The following SPOPL variants were observed in gnomAD, a reference collection of about 807,000 sequenced individuals.
SPOPL encodes the protein speckle-type POZ protein-like.
In SPOPL, 23 loss-of-function variants were observed where a neutral mutation model predicts 53.8. That is an observed-to-expected ratio of 0.43 (90% CI 0.31 to 0.61). SPOPL has a LOEUF of 0.61. SPOPL is among the 20% of genes least tolerant of loss of function. SPOPL has a pLI of 0.12. For synonymous variants in SPOPL, 164 were observed against 149.7 expected (o/e 1.10, Z -0.70); for missense variants, 442 against 466.9 (o/e 0.95, Z 0.49).
chr2:138,548,106 G>A (rs1461849066), intron 1 of SPOPL, among the ~76,000 whole-genome samples: 1 of 152,068 alleles, frequency 6.6e-6, no homozygotes, highest in African/African-American at 2.4e-5. Context: ...CTTATCCCCA[G>A]TATAGTGATG....
At chr2:138,551,597 G>A (rs759273384) in intron 4 of SPOPL, among the ~76,000 whole-genome samples, 1 of 151,998 alleles carries the variant, frequency 6.6e-6, no homozygotes, top group Non-Finnish European at 1.5e-5. Flanking sequence ...TAATAGAAGA[G>A]TGATGTAGGA....
chr2:138,527,982 CTA>C (rs1253051116), intron 1 of SPOPL, among the ~76,000 whole-genome samples: 1 of 152,170 alleles, frequency 6.6e-6, no homozygotes, highest in Non-Finnish European at 1.5e-5. Flanking sequence ...GGAGAGTGCT[CTA>C]TTTGATTTCT....
chr2:138,529,520 GTGTGTGTGTGTGTGTT>G (rs1195658652), intron 1 of SPOPL, among the ~76,000 whole-genome samples: 26 of 148,112 alleles, frequency 1.8e-4, no homozygotes, highest in African/African-American at 6.3e-4. Context: ...GTGTGTGTGT[GTGTGTGTGTGTGTGTT>G]TGCGTGCGCG....
At chr2:138,511,861 A>G (rs1432623985) in intron 1 of SPOPL, among the ~76,000 whole-genome samples, 1 of 152,210 alleles carries the variant, frequency 6.6e-6, no homozygotes, top group East Asian at 1.9e-4. Context: ...CTAGGAGCAT[A>G]CAGCCACCCT....
chr2:138,539,829 G>A (rs1017220223), intron 1 of SPOPL, among the ~76,000 whole-genome samples: 17 of 152,098 alleles, frequency 1.1e-4, no homozygotes, highest in African/African-American at 2.7e-4. Flanking sequence ...TTGCCCATGC[G>A]TATGTCCTGA....
rs1001347197 is a variant in SPOPL, at chr2:138,573,336, A to G, written c.*4256A>G. ...ATGTATTTGATACGGTAAATCATGC[A>G]TAGTAATTGTCTTTTCTACATAGGG... On this transcript the variant is annotated 3_prime_UTR_variant, in exon 11 of 11. Transcript: ENST00000280098. 1.3e-5 allele frequency: 2 copies of G among 152,322 alleles called. No homozygotes were observed. The highest frequency in any genetic ancestry group is 3.4e-3 in the Middle Eastern group (1 of 294). 9.4% of individuals were successfully genotyped at this position (152,322 alleles called of 1,614,324 possible).
At position 138,567,494 on chromosome 2, in the gene SPOPL, T is replaced by C. The variant is rs370067391; in HGVS notation, c.1035-1442T>C. Among the ~76,000 whole-genome samples, 535 of 148,650 alleles carry C rather than the reference T, an allele frequency of 3.6e-3. 4 individuals are homozygous for C. The highest frequency in any genetic ancestry group is 0.012 in the African/African-American group (496 of 40,552). On this transcript the variant is annotated intron_variant, in intron 10 of 10. Transcript: ENST00000280098. ...GAGAAAGTAGGCAGAGATCAGACCC[T>C]GAAAGGCCATGTAAAATAACATTAG...
intron 10 of SPOPL, among the ~76,000 whole-genome samples, chr2:138,566,138 T>C (rs1054389033): frequency 1.3e-5 from 2 of 152,194 alleles, no homozygotes; most frequent in Non-Finnish European, 2.9e-5. Flanking sequence ...GTTCATCTTA[T>C]TAGTTTGTAG....
At chr2:138,540,528 C>A (rs1685046906) in intron 1 of SPOPL, among the ~76,000 whole-genome samples, 1 of 152,102 alleles carries the variant, frequency 6.6e-6, no homozygotes, top group Admixed American at 6.5e-5. Context: ...GGAGTTCACT[C>A]ATGATTTGGT....
intron 1 of SPOPL, among the ~76,000 whole-genome samples, chr2:138,533,679 T>C (rs943215884): frequency 7.9e-5 from 12 of 152,118 alleles, no homozygotes; most frequent in African/African-American, 2.9e-4. Flanking sequence ...TGTTGAACAT[T>C]ATATGTTATA....
chr2:138,550,827 TTCTCTCTCTC>T lies in SPOPL; in HGVS notation c.201-63_201-54del, dbSNP rs66690846. 2.5e-5 allele frequency: 34 copies of T among 1,368,466 alleles called. No individual in the cohort carries two copies. The African/African-American group carries it at 4.2e-4, about 17-fold the overall frequency. The allele number at this position is 1,368,466 out of a possible 1,614,324, so 84.8% of individuals were successfully genotyped here. A position where few individuals can be genotyped will look rare whatever the true frequency, so the allele number is the denominator to read the frequency against. Reference sequence around the variant, plus strand: ...TGATTTCAGTGTTCTCTCTCTCTCTTTCTCTCTCTCTCTCTCTCTCTCGAATGCTTTTCAA... The same window carrying T: ...TGATTTCAGTGTTCTCTCTCTCTCTTTCTCTCTCTCTCGAATGCTTTTCAA... On this transcript the variant is annotated intron_variant, in intron 3 of 10. Transcript: ENST00000280098.
chr2:138,511,901 A>G (rs1417002817), intron 1 of SPOPL, among the ~76,000 whole-genome samples: 1 of 152,220 alleles, frequency 6.6e-6, no homozygotes, highest in Non-Finnish European at 1.5e-5. Flanking sequence ...ACTTTAGGGA[A>G]GTTACTTAAA....
chr2:138,555,471 T>A (rs2104896661), intron 5 of SPOPL, among the ~76,000 whole-genome samples: 1 of 152,180 alleles, frequency 6.6e-6, no homozygotes, highest in African/African-American at 2.4e-5. Flanking sequence ...ATTTTTTTTT[T>A]AAATGACACC....
intron 5 of SPOPL, among the ~76,000 whole-genome samples, chr2:138,556,424 ACT>A (rs1685425055): frequency 6.6e-6 from 1 of 152,176 alleles, no homozygotes; most frequent in South Asian, 2.1e-4. Context: ...ACATTTTGTA[ACT>A]CTGCTGTATG....
chr2:138,552,406 A>G (rs969456761), intron 4 of SPOPL, 148 bp from the exon 5 acceptor site: 4 of 1,019,050 alleles, frequency 3.9e-6, no homozygotes, highest in Non-Finnish European at 4.1e-6. Flanking sequence ...CTCTTATGAC[A>G]TTTGATTTAT....
intron 1 of SPOPL, among the ~76,000 whole-genome samples, chr2:138,524,883 AG>A (rs1162673806): frequency 1.3e-4 from 20 of 152,172 alleles, no homozygotes; most frequent in Non-Finnish European, 2.5e-4. Flanking sequence ...TGAGCCCTCC[AG>A]ACTGTTCCAG....
chr2:138,556,250 A>C (rs1685422035), intron 5 of SPOPL, among the ~76,000 whole-genome samples: 1 of 152,212 alleles, frequency 6.6e-6, no homozygotes, highest in Admixed American at 6.5e-5. Context: ...CTTATACAAA[A>C]TACAAATATA....
At chr2:138,544,780 A>C (rs1291457069) in intron 1 of SPOPL, among the ~76,000 whole-genome samples, 2 of 152,170 alleles carry the variant, frequency 1.3e-5, no homozygotes, top group Non-Finnish European at 2.9e-5. Context: ...AGATAAACCC[A>C]GTACCTCAGT....
chr2:138,505,489 GC>G (rs1265048963), intron 1 of SPOPL, among the ~76,000 whole-genome samples: 2 of 150,614 alleles, frequency 1.3e-5, no homozygotes, highest in Non-Finnish European at 2.9e-5. Flanking sequence ...AGGTGCCTTG[GC>G]TCATACCTAT....
Sources: gnomAD v4.1 joint callset for allele counts (sites outside exome capture counted in the v4.1 genomes callset) on GRCh38, gnomAD v4.1.1 for gene constraint, MANE v1.5 for transcripts, NCBI Gene and HGNC (gene_info 2026-07-23, HGNC 2026-07-21) for gene names.